The following FAM149B1 variants were observed in gnomAD, a reference collection of about 807,000 sequenced individuals.
FAM149B1 encodes the protein family with sequence similarity 149 member B1.
FAM149B1 carries 56 observed loss-of-function variants against 75.3 expected under a neutral mutation model. That is an observed-to-expected ratio of 0.74 (90% confidence interval 0.60 to 0.93). The LOEUF (loss-of-function observed/expected upper bound fraction) is 0.93, where lower values mean the gene tolerates loss of function less well. FAM149B1 is among the 40% of genes least tolerant of loss of function. The pLI, the probability that FAM149B1 is intolerant of heterozygous loss-of-function variation, is 0.00. For missense variants in FAM149B1, 639 were observed against 708.4 expected, an observed-to-expected ratio of 0.90 and a Z score of 1.11; for synonymous variants, 259 against 256.1, an observed-to-expected ratio of 1.01 and a Z score of -0.11.
At chr10:73,194,170 C>T (rs890068939) in intron 5 of FAM149B1, among the ~76,000 whole-genome samples, 3 of 152,022 alleles carry the variant, frequency 2.0e-5, no homozygotes, top group African/African-American at 4.8e-5. Context: ...TAAATTTCAG[C>T]GTGAATTTTG....
intron 7 of FAM149B1, among the ~76,000 whole-genome samples, chr10:73,216,133 C>G (rs898602529): frequency 6.6e-6 from 1 of 152,038 alleles, no homozygotes; most frequent in Non-Finnish European, 1.5e-5. Context: ...GAATTGATCC[C>G]TTTGTCATTA....
Position 73,168,352 on chromosome 10 carries a change from TACA to T in FAM149B1, c.14_16del (p.Tyr5_Thr6delinsSer), listed in dbSNP as rs1397624466. The T allele has an allele frequency of 7.1e-6, 11 of 1,549,712 alleles. No homozygotes were observed. The East Asian group carries it at 2.7e-4, about 38-fold the overall frequency. ...GAGGAGGAGGAGGATGATCTCCAGA[TACA>T]CTCGGAAGGCGGTGCCACAGAGCTT... On this transcript the variant is annotated inframe_deletion, in exon 1 of 14. Coordinates refer to ENST00000242505, the MANE Select transcript of FAM149B1 (RefSeq NM_173348.2).
At chr10:73,232,025 A>C (rs2043716300) in intron 9 of FAM149B1, among the ~76,000 whole-genome samples, 1 of 152,128 alleles carries the variant, frequency 6.6e-6, no homozygotes, top group South Asian at 2.1e-4. Context: ...ATCCCTTCAA[A>C]GTCCTCCAAG....
At chr10:73,188,774 GA>G (rs2042601762) in intron 3 of FAM149B1, among the ~76,000 whole-genome samples, 1 of 121,254 alleles carries the variant, frequency 8.2e-6, no homozygotes, top group Non-Finnish European at 1.8e-5. Flanking sequence ...AGGAAGGAAG[GA>G]AGGAAGGAAG....
intron 12 of FAM149B1, chr10:73,235,557 T>G (rs2043802759): frequency 1.2e-6 from 1 of 818,486 alleles, no homozygotes; most frequent in African/African-American, 1.7e-5. Context: ...ACACTTAAGA[T>G]ATGTCTGACC....
intron 4 of FAM149B1, 112 bp from the exon 5 acceptor site, chr10:73,193,365 A>G: frequency 3.1e-6 from 3 of 965,566 alleles, no homozygotes; most frequent in African/African-American, 1.6e-5. Context: ...TCAGTATCAG[A>G]CTGTATACTG....
In FAM149B1 at chr10:73,230,409, T is replaced by C; in HGVS notation, c.1024-13T>C. 1.4e-6 allele frequency: 2 copies of C among 1,457,384 alleles called. 1 individual carries two copies. Among genetic ancestry groups the C allele is most frequent in the Middle Eastern group, 3.4e-4 (2 of 5,836 alleles). 90.3% of individuals were successfully genotyped at this position (1,457,384 alleles called of 1,614,324 possible). Reference sequence around the variant, plus strand: ...CCAACCGATCAAGAGTACTGTCTTCTTTCAACACGTAGATGAGTCTCTGTC... The same window carrying C: ...CCAACCGATCAAGAGTACTGTCTTCCTTCAACACGTAGATGAGTCTCTGTC... On this transcript the variant is annotated splice_polypyrimidine_tract_variant and intron_variant, in intron 8 of 13. Transcript: ENST00000242505.
chr10:73,173,473 A>T (rs1430375459), intron 1 of FAM149B1, among the ~76,000 whole-genome samples: 1 of 152,204 alleles, frequency 6.6e-6, no homozygotes, highest in Non-Finnish European at 1.5e-5. Flanking sequence ...GGGTATCCCT[A>T]TCCCTTTATA....
chr10:73,229,250 GAA>G (rs928469321), intron 8 of FAM149B1, among the ~76,000 whole-genome samples: 2 of 147,724 alleles, frequency 1.4e-5, no homozygotes, highest in Non-Finnish European at 3.0e-5. Flanking sequence ...TTTTAAGGTG[GAA>G]AAAAAAAACC....
rs368282543 is a variant in FAM149B1 at position 73,220,637 on chromosome 10, G to T, written c.899-7423G>T. On this transcript the variant is annotated intron_variant, in intron 7 of 13. Transcript: ENST00000242505. The stretch of plus-strand genomic sequence containing the variant: ...CCAAAGTGACTGTATTTGGAGACAG[G>T]CTTTTAGGGAGGTAATTCAGGTTCT... Among the ~76,000 whole-genome samples the T allele has an allele frequency of 8.6e-4, 131 of 152,270 alleles. 2 individuals are homozygous for T. In the South Asian group the frequency reaches 0.027, roughly 31 times the overall value.
chr10:73,176,580 TA>T (rs995555129), intron 2 of FAM149B1, among the ~76,000 whole-genome samples: 45 of 152,024 alleles, frequency 3.0e-4, no homozygotes, highest in Middle Eastern at 3.4e-3. Flanking sequence ...AATGTGTGAT[TA>T]AAAAAAATAT....
chr10:73,223,270 A>T (rs2043460085), intron 7 of FAM149B1, among the ~76,000 whole-genome samples: 1 of 152,132 alleles, frequency 6.6e-6, no homozygotes, highest in South Asian at 2.1e-4. Context: ...AGCACAGATT[A>T]ATTTTGCCTG....
At chr10:73,182,134 C>T (rs1192084852) in intron 3 of FAM149B1, among the ~76,000 whole-genome samples, 1 of 147,998 alleles carries the variant, frequency 6.8e-6, no homozygotes, top group Non-Finnish European at 1.5e-5. Context: ...CTGTATGTGT[C>T]TTTATAGGTG....
intron 5 of FAM149B1, among the ~76,000 whole-genome samples, chr10:73,196,581 A>G (rs1022661263): frequency 6.6e-6 from 1 of 152,258 alleles, no homozygotes; most frequent in Non-Finnish European, 1.5e-5. Context: ...AAGACTTTCT[A>G]TAAAAATAAC....
intron 7 of FAM149B1, among the ~76,000 whole-genome samples, chr10:73,223,931 C>T (rs1380012209): frequency 1.3e-5 from 2 of 152,112 alleles, no homozygotes; most frequent in Non-Finnish European, 2.9e-5. Context: ...GTGTATCAAC[C>T]ACCACGTACC....
chr10:73,235,106 C>A (rs1589195270), intron 11 of FAM149B1, 87 bp from the exon 12 acceptor site: 1 of 1,469,798 alleles, frequency 6.8e-7, no homozygotes, highest in East Asian at 2.5e-5. Flanking sequence ...CTGCACTTAC[C>A]ATATCTGCCA....
At chr10:73,211,526 C>T (rs972167008) in intron 7 of FAM149B1, among the ~76,000 whole-genome samples, 3 of 152,104 alleles carry the variant, frequency 2.0e-5, no homozygotes, top group Non-Finnish European at 4.4e-5. Context: ...TAGTCTCTGC[C>T]CCTGATTTCA....
intron 1 of FAM149B1, among the ~76,000 whole-genome samples, chr10:73,170,464 A>G (rs900924775): frequency 6.6e-6 from 1 of 152,086 alleles, no homozygotes; most frequent in Non-Finnish European, 1.5e-5. Context: ...AGATCACACC[A>G]CTGTACTCCA....
chr10:73,230,438 C>T lies in FAM149B1; in HGVS notation c.1040C>T (p.Ala347Val), dbSNP rs2043660573. ...ITSNPMSLCQ[A>V]SRHQPNVNDL... ...AACACGTAGATGAGTCTCTGTCAAG[C>T]AAGCAGACATCAGCCAAATGTGAAT... The change falls in exon 9 of 14, where the codon GCA becomes GTA. Residue 347 changes from alanine to valine, a missense_variant. By Grantham distance (64) the Ala-to-Val change is moderately conservative. Coordinates refer to ENST00000242505, the MANE Select transcript of FAM149B1 (RefSeq NM_173348.2). 6.5e-7 allele frequency: 1 copy of T among 1,542,964 alleles called. No individual in the cohort carries two copies. Among genetic ancestry groups the T allele is most frequent in the Non-Finnish European group, 8.8e-7 (1 of 1,138,884 alleles).
Sources: gnomAD v4.1 joint callset for allele counts (sites outside exome capture counted in the v4.1 genomes callset) on GRCh38, gnomAD v4.1.1 for gene constraint, MANE v1.5 for transcripts, NCBI Gene and HGNC (gene_info 2026-07-23, HGNC 2026-07-21) for gene names.